Variants in ACTR3C observed in about 807,000 individuals in gnomAD.
The protein encoded by ACTR3C is actin-related protein 3C.
Under a neutral mutation model 26.3 loss-of-function variants are expected in ACTR3C, and 18 were observed. That is an observed-to-expected ratio of 0.68 (90% CI 0.47 to 1.01). The LOEUF is 1.01. Among genes scored for constraint, ACTR3C ranks in the 50% least tolerant of loss-of-function variants. ACTR3C has a pLI of 0.00. For synonymous variants in ACTR3C, 55 were observed against 94.5 expected (o/e 0.58, Z 2.42); for missense variants, 184 against 250.7 (o/e 0.73, Z 1.80).
chr7:150,073,824 A>G, the ACTR3C span: 2 of 152,228 alleles, frequency 1.3e-5, no homozygotes, highest in Non-Finnish European at 2.9e-5. Context: ...CAACAAGCTC[A>G]TATGAAAGAT....
chr7:149,919,492 G>A, the ACTR3C span, among the ~76,000 whole-genome samples: 10 of 152,144 alleles, frequency 6.6e-5, no homozygotes, highest in East Asian at 1.9e-3. Context: ...CACCCACCTC[G>A]GCCTCTCAAA....
At chr7:149,969,488 C>A in the ACTR3C span, among the ~76,000 whole-genome samples, 1 of 152,050 alleles carries the variant, frequency 6.6e-6, no homozygotes, top group Non-Finnish European at 1.5e-5. Context: ...CGTGCATGAG[C>A]GGAAGTCTTC....
At chr7:149,982,449 A>T in the ACTR3C span, among the ~76,000 whole-genome samples, 1 of 152,114 alleles carries the variant, frequency 6.6e-6, no homozygotes, top group Non-Finnish European at 1.5e-5. Context: ...GGACTTGGAA[A>T]GATTGCTTTA....
the ACTR3C span, among the ~76,000 whole-genome samples, chr7:150,236,793 T>G: frequency 6.7e-6 from 1 of 149,624 alleles, no homozygotes. Flanking sequence ...CTAGGGCTTA[T>G]TGGAATGCTA....
chr7:149,896,470 T>C, the ACTR3C span, among the ~76,000 whole-genome samples: 1,419 of 152,278 alleles, frequency 9.3e-3, 26 homozygotes, highest in African/African-American at 0.032. Context: ...TAGAGAATAG[T>C]ACTCAATAAA....
the ACTR3C span, among the ~76,000 whole-genome samples, chr7:150,207,694 G>A: frequency 2.0e-5 from 3 of 152,082 alleles, no homozygotes; most frequent in Non-Finnish European, 4.4e-5. Context: ...TCATGAAAAA[G>A]TTTGGAAAAG....
the ACTR3C span, among the ~76,000 whole-genome samples, chr7:149,929,843 A>G: frequency 6.6e-6 from 1 of 152,118 alleles, no homozygotes; most frequent in Non-Finnish European, 1.5e-5. Flanking sequence ...ATGACTTATT[A>G]ATTACAAAGA....
At chr7:149,894,989 G>A in the ACTR3C span, among the ~76,000 whole-genome samples, 1 of 151,728 alleles carries the variant, frequency 6.6e-6, no homozygotes, top group Non-Finnish European at 1.5e-5. Flanking sequence ...ATCAACCTAC[G>A]TGTCCATTAA....
At chr7:150,044,213 A>G in the ACTR3C span, among the ~76,000 whole-genome samples, 1 of 152,186 alleles carries the variant, frequency 6.6e-6, no homozygotes, top group Non-Finnish European at 1.5e-5. Flanking sequence ...AAGCAGGCGG[A>G]TGACAAAGTT....
chr7:150,307,603 C>T (rs892926041), intron 1 of ACTR3C, among the ~76,000 whole-genome samples: 15 of 152,184 alleles, frequency 9.9e-5, no homozygotes, highest in East Asian at 3.9e-4. Flanking sequence ...CTCCCTTCGA[C>T]GCCTTTTTCA....
At chr7:150,010,711 AAT>A in the ACTR3C span, among the ~76,000 whole-genome samples, 3 of 150,696 alleles carry the variant, frequency 2.0e-5, no homozygotes, top group African/African-American at 4.9e-5. Flanking sequence ...AAAAAAAAAA[AAT>A]AAGCTCTGTG....
chr7:150,017,241 T>G, the ACTR3C span, among the ~76,000 whole-genome samples: 8 of 151,720 alleles, frequency 5.3e-5, no homozygotes, highest in Non-Finnish European at 1.0e-4. Flanking sequence ...TGGCTTCTGA[T>G]GACAGCTCCT....
intron 6 of ACTR3C, among the ~76,000 whole-genome samples, chr7:150,251,551 T>G (rs1169726481): frequency 2.0e-5 from 3 of 152,240 alleles, no homozygotes; most frequent in Non-Finnish European, 2.9e-5. Flanking sequence ...TATTAGATAT[T>G]AAAAGCCTAA....
the ACTR3C span, among the ~76,000 whole-genome samples, chr7:150,172,000 C>T: frequency 1.5e-4 from 22 of 150,514 alleles, no homozygotes; most frequent in Non-Finnish European, 2.5e-4. Context: ...TTAGTAGAGA[C>T]GGGGTTGCAC....
At chr7:150,018,715 A>G in the ACTR3C span, among the ~76,000 whole-genome samples, 1 of 150,260 alleles carries the variant, frequency 6.7e-6, no homozygotes, top group South Asian at 2.1e-4. Context: ...TATTTCCTTC[A>G]CTAAGTGCTT....
the ACTR3C span, among the ~76,000 whole-genome samples, chr7:150,201,751 CA>C: frequency 0.088 from 10,418 of 117,726 alleles, 570 homozygotes; most frequent in African/African-American, 0.19. Context: ...AGAGTGAATC[CA>C]AAAAAAAAAA....
chr7:150,307,696 G>T (rs1335995700), intron 1 of ACTR3C, among the ~76,000 whole-genome samples: 1 of 152,120 alleles, frequency 6.6e-6, no homozygotes, highest in Non-Finnish European at 1.5e-5. Context: ...ACACAGAGGC[G>T]CTTGACATTT....
intron 1 of ACTR3C, among the ~76,000 whole-genome samples, chr7:150,317,625 G>A (rs1299814542): frequency 6.6e-6 from 1 of 152,124 alleles, no homozygotes; most frequent in Non-Finnish European, 1.5e-5. Context: ...GATGGTAATA[G>A]TATATGTGAT....
At chr7:150,023,208 T>TAG in the ACTR3C span, among the ~76,000 whole-genome samples, 1 of 143,688 alleles carries the variant, frequency 7.0e-6, no homozygotes, top group East Asian at 2.0e-4. Flanking sequence ...TATATATATC[T>TAG]CTATATCTCT....
Sources: allele counts gnomAD v4.1 joint callset (sites outside exome capture counted in the v4.1 genomes callset), GRCh38; gene constraint gnomAD v4.1.1; transcripts MANE v1.5; gene names NCBI Gene and HGNC (gene_info 2026-07-23, HGNC 2026-07-21).